Variants in GABRP observed in about 807,000 individuals in gnomAD.
GABRP encodes the protein gamma-aminobutyric acid receptor subunit pi.
A neutral mutation model predicts 47.8 loss-of-function variants in GABRP; 52 were observed. The observed-to-expected ratio is 1.09, with a 90% CI of 0.87 to 1.37. The LOEUF (loss-of-function observed/expected upper bound fraction) is 1.37. Among genes scored for constraint, GABRP ranks in the 40% most tolerant of loss-of-function variants. The pLI is 0.00. For missense variants in GABRP, 525 were observed against 542.8 expected, an observed-to-expected ratio of 0.97 and a Z score of 0.33; for synonymous variants, 221 against 205.8, an observed-to-expected ratio of 1.07 and a Z score of -0.63.
At chr5:170,801,233 G>A (rs1456572593) in intron 6 of GABRP, among the ~76,000 whole-genome samples, 1 of 152,194 alleles carries the variant, frequency 6.6e-6, no homozygotes, top group African/African-American at 2.4e-5. Context: ...CCACTGGGCT[G>A]GAGAGTCACA....
At chr5:170,810,181 T>C in intron 9 of GABRP, 1 of 450,920 alleles carries the variant, frequency 2.2e-6, no homozygotes, top group Non-Finnish European at 3.9e-6. Context: ...ATGGAAATAT[T>C]AGATTGTGAC....
rs557814182 is a variant in GABRP at position 170,788,741 on chromosome 5, G to T, written c.53+73G>T. ...TTCGGGCATGTGGTGGGAGGGGGCA[G>T]CTCCTCCTATTCACCCACAGCAAGG... On this transcript the variant is annotated intron_variant, in intron 2 of 9. Coordinates refer to ENST00000265294, the MANE Select transcript of GABRP (RefSeq NM_014211.3). 56 of 1,407,018 alleles carry T rather than the reference G, an allele frequency of 4.0e-5. No individual in the cohort carries two copies. In the East Asian group the frequency reaches 5.7e-4, roughly 14 times the overall value. The allele number at this position is 1,407,018 out of a possible 1,614,324, so 87.2% of individuals were successfully genotyped here. A position where few individuals can be genotyped will look rare whatever the true frequency, so the allele number is the denominator to read the frequency against.
rs746470583 is a variant in GABRP, at chr5:170,795,262, T to A, written c.295T>A (p.Phe99Ile). ...GCGCTGGATGGACCAGCGGCTGGTG[T>A]TTGAAGGCAACAAGAGCTTCACTCT... ...RQRWMDQRLV[F>I]EGNKSFTLDA... The change falls in exon 5 of 10, where the codon TTT becomes ATT. Residue 99 changes from phenylalanine (F) to isoleucine (I), a missense_variant. Transcript: ENST00000265294. 6.2e-7 allele frequency: 1 copy of A among 1,613,528 alleles called. No homozygotes were observed. Among genetic ancestry groups the A allele is most frequent in the Admixed American group, 1.7e-5 (1 of 59,970 alleles).
intron 6 of GABRP, among the ~76,000 whole-genome samples, chr5:170,800,962 T>C (rs1765575038): frequency 6.6e-6 from 1 of 152,216 alleles, no homozygotes; most frequent in African/African-American, 2.4e-5. Context: ...AAAAAATATA[T>C]GTAGTAATAA....
rs189257506 is a variant in GABRP, at chr5:170,794,045, C to T, written c.173-186C>T. ...ATTTTTCATACAAAAGAGAGGCACA[C>T]CATACACAATGGTTACTCTTGAGAG... On this transcript the variant is annotated intron_variant, in intron 3 of 9. Coordinates refer to ENST00000265294, the MANE Select transcript of GABRP (RefSeq NM_014211.3). 2.3e-3 allele frequency among the ~76,000 whole-genome samples: 344 copies of T among 152,128 alleles called. 2 individuals carry two copies. Among genetic ancestry groups the T allele is most frequent in the African/African-American group, 7.8e-3 (322 of 41,520 alleles).
Position 170,795,407 on chromosome 5 carries a change from C to T in GABRP, c.440C>T (p.Thr147Met), listed in dbSNP as rs762057938. The change falls in exon 5 of 10, where the codon ACG becomes ATG. Residue 147 changes from threonine to methionine, a missense_variant. Thr to Met is a moderately conservative substitution (Grantham distance 81). Coordinates refer to ENST00000265294, the MANE Select transcript of GABRP (RefSeq NM_014211.3). Reference protein sequence around the residue: ...NRLIRLFSNGTVLYALRITTT... With the variant: ...NRLIRLFSNGMVLYALRITTT... ...CTCATCCGCCTCTTCTCCAATGGCACGGTCCTGTATGCCCTCAGGTACGCG... is the reference window on the plus strand; with the variant it reads ...CTCATCCGCCTCTTCTCCAATGGCATGGTCCTGTATGCCCTCAGGTACGCG... 2.5e-5 allele frequency: 40 copies of T among 1,614,016 alleles called. No homozygotes were observed. Among genetic ancestry groups the T allele is most frequent in the East Asian group, 1.6e-4 (7 of 44,856 alleles).
At chr5:170,808,824 G>A (rs939039180) in intron 8 of GABRP, 72 bp downstream of exon 8, 1 of 1,352,944 alleles carries the variant, frequency 7.4e-7, no homozygotes. Flanking sequence ...TTTTACCATT[G>A]TCTTCATTGA....
intron 1 of GABRP, among the ~76,000 whole-genome samples, chr5:170,786,522 C>T (rs912881928): frequency 6.6e-6 from 1 of 152,104 alleles, no homozygotes; most frequent in Non-Finnish European, 1.5e-5. Flanking sequence ...GAGAATAAGG[C>T]GGATTATAGG....
chr5:170,797,483 C>G lies in GABRP; in HGVS notation c.476C>G (p.Ala159Gly), dbSNP rs1430181526. The stretch of plus-strand genomic sequence containing the variant: ...CCTCTTAGAATCACGACAACTGTTG[C>G]ATGTAACATGGATCTGTCTAAATAC... ...LYALRITTTV[A>G]CNMDLSKYPM... The change falls in exon 6 of 10, where the codon GCA becomes GGA. Residue 159 changes from alanine to glycine, a missense_variant. Transcript: ENST00000265294. 1.2e-6 allele frequency: 2 copies of G among 1,610,786 alleles called. No homozygotes were observed. Among genetic ancestry groups the G allele is most frequent in the African/African-American group, 2.7e-5 (2 of 74,838 alleles).
chr5:170,791,115 C>G (rs759622174), intron 3 of GABRP, among the ~76,000 whole-genome samples: 15 of 152,228 alleles, frequency 9.9e-5, no homozygotes, highest in Non-Finnish European at 1.3e-4. Flanking sequence ...TCAGAATACA[C>G]TCCTTCTTGT....
intron 3 of GABRP, among the ~76,000 whole-genome samples, chr5:170,792,342 C>T (rs936724572): frequency 1.3e-5 from 2 of 151,492 alleles, no homozygotes; most frequent in Non-Finnish European, 1.5e-5. Flanking sequence ...TTCTGAAGGC[C>T]GAAGCAGGAG....
chr5:170,808,892 AAGAG>A lies in GABRP; in HGVS notation c.832+146_832+149del, dbSNP rs1294682621. The A allele has an allele frequency of 2.9e-5, 21 of 723,002 alleles. 1 individual carries two copies. Among genetic ancestry groups the A allele is most frequent in the Admixed American group, 5.8e-5 (2 of 34,370 alleles). The allele number at this position is 723,002 out of a possible 1,614,324, so 44.8% of individuals were successfully genotyped here. A position where few individuals can be genotyped will look rare whatever the true frequency, so the allele number is the denominator to read the frequency against. ...TGGGAGATTCTTTTACAGAGAAAGA[AAGAG>A]AGAGACAGAAAGAGACTACTTTAGG... On this transcript the variant is annotated intron_variant, in intron 8 of 9. Coordinates refer to ENST00000265294, the MANE Select transcript of GABRP (RefSeq NM_014211.3).
intron 6 of GABRP, among the ~76,000 whole-genome samples, chr5:170,803,271 T>G (rs1393618008): frequency 6.6e-6 from 1 of 152,170 alleles, no homozygotes; most frequent in Non-Finnish European, 1.5e-5. Context: ...AACAAAATGT[T>G]AGTTCCAACA....
At chr5:170,801,599 T>A (rs1484489872) in intron 6 of GABRP, among the ~76,000 whole-genome samples, 3 of 152,174 alleles carry the variant, frequency 2.0e-5, no homozygotes, top group African/African-American at 4.8e-5. Context: ...TTCTAATACT[T>A]TAGTTTTATA....
chr5:170,812,848 C>A lies in GABRP; in HGVS notation c.*590C>A, dbSNP rs920732187. The A allele has an allele frequency of 6.6e-6, 1 of 151,976 alleles. No homozygotes were observed. The highest frequency in any genetic ancestry group is 2.4e-5 in the African/African-American group (1 of 41,314). 9.4% of individuals were successfully genotyped at this position (151,976 alleles called of 1,614,324 possible). A position where few individuals can be genotyped will look rare whatever the true frequency, so the allele number is the denominator to read the frequency against. Reference sequence around the variant, plus strand: ...CCACAACAGAATTATCCCCAATTTCCAATAAGTCCTATCATTGAAAATTCA... The same window carrying A: ...CCACAACAGAATTATCCCCAATTTCAAATAAGTCCTATCATTGAAAATTCA... On this transcript the variant is annotated 3_prime_UTR_variant, in exon 10 of 10. Transcript: ENST00000265294.
In GABRP at chr5:170,788,709, C is replaced by T. The variant is rs74884627; in HGVS notation, c.53+41C>T. 1.7e-5 allele frequency: 27 copies of T among 1,597,992 alleles called. No individual in the cohort carries two copies. In the East Asian group the frequency reaches 5.8e-4, roughly 34 times the overall value. ...CCCAGAATGGCCTCCATCTGCGTTG[C>T]TTTGCATTCGGGCATGTGGTGGGAG... On this transcript the variant is annotated intron_variant, in intron 2 of 9. Transcript: ENST00000265294.
rs775772483 is a variant in GABRP, at chr5:170,789,221, A to G, written c.146A>G (p.Asn49Ser). 6.2e-7 allele frequency: 1 copy of G among 1,613,986 alleles called. No individual in the cohort carries two copies. The highest frequency in any genetic ancestry group is 8.5e-7 in the Non-Finnish European group (1 of 1,179,884). ...TTTGAGAACCTCACAGCAGGATATA[A>G]CAAATTTCTCAGGCCCAATTTTGGT... ...PGFENLTAGY[N>S]KFLRPNFGGE... Residue 49 changes from asparagine (N) to serine (S), a missense_variant, in exon 3 of 10, where the codon AAC (asparagine) becomes AGC (serine). By Grantham distance (46) the Asn-to-Ser change is conservative. Transcript: ENST00000265294.
chr5:170,801,779 G>A (rs1020881439), intron 6 of GABRP, among the ~76,000 whole-genome samples: 1 of 151,718 alleles, frequency 6.6e-6, no homozygotes, highest in Non-Finnish European at 1.5e-5. Context: ...TGCAGTCTTC[G>A]AGAACTCTAC....
intron 4 of GABRP, 110 bp from the exon 5 acceptor site, chr5:170,795,098 C>A: frequency 1.3e-6 from 1 of 764,776 alleles, no homozygotes; most frequent in Non-Finnish European, 2.3e-6. Flanking sequence ...TGTATTCTTG[C>A]TCTAAGTGGA....
Sources: gnomAD v4.1 joint callset for allele counts (sites outside exome capture counted in the v4.1 genomes callset) on GRCh38, gnomAD v4.1.1 for gene constraint, MANE v1.5 for transcripts, NCBI Gene and HGNC (gene_info 2026-07-23, HGNC 2026-07-21) for gene names.